The following ANKRD30B variants were observed in gnomAD, a reference collection of about 807,000 sequenced individuals.
The protein encoded by ANKRD30B is ankyrin repeat domain-containing protein 30B.
In ANKRD30B, 144 loss-of-function variants were observed where a neutral mutation model predicts 202.2. The ratio of observed to expected loss-of-function variants is 0.71; its 90% confidence interval spans 0.62 to 0.82. ANKRD30B has a LOEUF of 0.82. Among genes scored for constraint, ANKRD30B ranks in the 40% least tolerant of loss-of-function variants. ANKRD30B has a pLI of 0.00. For synonymous variants in ANKRD30B, 508 were observed against 561.3 expected (o/e 0.91, Z 1.34); for missense variants, 1,487 against 1,669.1 (o/e 0.89, Z 1.90).
intron 36 of ANKRD30B, among the ~76,000 whole-genome samples, chr18:14,839,777 CT>C (rs1971336375): frequency 6.6e-6 from 1 of 152,004 alleles, no homozygotes. Flanking sequence ...ATTTTAAGCC[CT>C]TGTTTTCCTA....
At position 14,851,788 on chromosome 18, in the gene ANKRD30B, A is replaced by G; in HGVS notation, c.3844A>G (p.Lys1282Glu). Residue 1282 changes from lysine (K) to glutamate (E), a missense_variant, in exon 42 of 44, where the codon AAG becomes GAG. Physicochemically the swap from Lys to Glu is moderately conservative, Grantham distance 56. Around this residue, in one of 6 missense-constraint regions of ANKRD30B, gnomAD observed 21 missense variants for 57.2 expected, o/e 0.37. Coordinates refer to ENST00000690538, the MANE Select transcript of ANKRD30B (RefSeq NM_001367607.2). ...GAACACGATGCTGACTTCTAAATTG[A>G]AGGAAAAACAAGACAAAGAAATACT... ...AENTMLTSKL[K>E]EKQDKEILET... The G allele has an allele frequency of 6.3e-7, 1 of 1,577,822 alleles. No individual in the cohort carries two copies. The highest frequency in any genetic ancestry group is 8.6e-7 in the Non-Finnish European group (1 of 1,159,286).
chr18:14,846,662 T>A (rs1025712040), intron 39 of ANKRD30B, among the ~76,000 whole-genome samples: 5 of 152,114 alleles, frequency 3.3e-5, no homozygotes, highest in African/African-American at 1.2e-4. Flanking sequence ...GTGAACCCTT[T>A]GTCACTATAA....
chr18:14,923,007 G>T, the ANKRD30B span, among the ~76,000 whole-genome samples: 1 of 152,120 alleles, frequency 6.6e-6, no homozygotes, highest in Non-Finnish European at 1.5e-5. Flanking sequence ...CACATCCTGG[G>T]CCAGGAAAAA....
chr18:14,748,374 A>C lies in ANKRD30B; in HGVS notation c.-46A>C. 7.1e-7 allele frequency: 1 copy of C among 1,405,262 alleles called. No individual in the cohort carries two copies. The highest frequency in any genetic ancestry group is 9.4e-7 in the Non-Finnish European group (1 of 1,068,162). The allele number at this position is 1,405,262 out of a possible 1,614,324, so 87.0% of individuals were successfully genotyped here. ...GAGGGCGAGGGGTAGGGGCTGGGGA[A>C]GGGCGAGCGGGAGGCGCGGGCTCTC... On this transcript the variant is annotated 5_prime_UTR_variant, in exon 1 of 44. Coordinates refer to ENST00000690538, the MANE Select transcript of ANKRD30B (RefSeq NM_001367607.2).
rs770765402 is a variant in ANKRD30B at position 14,796,406 on chromosome 18, T to C, written c.1918T>C (p.Phe640Leu). The change falls in exon 18 of 44, where the codon TTC becomes CTC. Residue 640 changes from phenylalanine (F) to leucine (L), a missense_variant. Transcript: ENST00000690538. ...CTTAGAATTAAAGGACAGAGAAACATTCAAAGCAGGTAAATTTTGTAATTT... is the reference window on the plus strand; with the variant it reads ...CTTAGAATTAAAGGACAGAGAAACACTCAAAGCAGGTAAATTTTGTAATTT... ...KALELKDRET[F>L]KAESPDKDGL... 1.7e-4 allele frequency: 268 copies of C among 1,550,920 alleles called. 5 individuals carry two copies. The South Asian group carries it at 2.1e-3, about 12-fold the overall frequency.
At chr18:14,870,124 C>T in the ANKRD30B span, among the ~76,000 whole-genome samples, 1 of 152,214 alleles carries the variant, frequency 6.6e-6, no homozygotes, top group East Asian at 1.9e-4. Flanking sequence ...GAGTGAGCCA[C>T]CACGCGAAGC....
In ANKRD30B at chr18:14,837,196, TTTTG is replaced by T. The variant is rs750791682; in HGVS notation, c.2848-9_2848-6del. On this transcript the variant is annotated splice_polypyrimidine_tract_variant and intron_variant, in intron 34 of 43. Coordinates refer to ENST00000690538, the MANE Select transcript of ANKRD30B (RefSeq NM_001367607.2). ...TTTTTTTTTGTGTTTGCTTTCTGTG[TTTTG>T]TTTGTAATAGGAGGGAGCAACAAAG... 2.6e-6 allele frequency: 4 copies of T among 1,518,628 alleles called. No homozygotes were observed. In the South Asian group the frequency reaches 5.2e-5, roughly 20 times the overall value. The allele number at this position is 1,518,628 out of a possible 1,614,324, so 94.1% of individuals were successfully genotyped here. A position where few individuals can be genotyped will look rare whatever the true frequency, so the allele number is the denominator to read the frequency against.
the ANKRD30B span, among the ~76,000 whole-genome samples, chr18:14,892,104 G>A: frequency 3.3e-5 from 5 of 152,228 alleles, no homozygotes; most frequent in East Asian, 1.9e-4. Flanking sequence ...ATATCATTAA[G>A]AAGTCAATAT....
chr18:14,862,409 T>A, the ANKRD30B span, among the ~76,000 whole-genome samples: 1 of 152,088 alleles, frequency 6.6e-6, no homozygotes, highest in Non-Finnish European at 1.5e-5. Context: ...AAGATTCCAA[T>A]AAGCACAATA....
chr18:14,908,576 C>T, the ANKRD30B span, among the ~76,000 whole-genome samples: 1 of 152,208 alleles, frequency 6.6e-6, no homozygotes, highest in Non-Finnish European at 1.5e-5. Flanking sequence ...CTCGCTCTGA[C>T]CTCACCATCA....
the ANKRD30B span, among the ~76,000 whole-genome samples, chr18:14,928,568 G>A: frequency 7.2e-5 from 11 of 152,104 alleles, no homozygotes; most frequent in African/African-American, 2.4e-4. Flanking sequence ...CACTATCAGC[G>A]ATCCTGTTCT....
At chr18:14,785,400 A>G (rs1278851413) in intron 14 of ANKRD30B, among the ~76,000 whole-genome samples, 2 of 152,206 alleles carry the variant, frequency 1.3e-5, no homozygotes. Flanking sequence ...GTTGTTTATA[A>G]AATTCCATTG....
At chr18:14,840,490 G>T in intron 36 of ANKRD30B, 98 bp from the exon 37 acceptor site, 1 of 481,112 alleles carries the variant, frequency 2.1e-6, no homozygotes, top group South Asian at 6.5e-5. Flanking sequence ...AATGAGCCAA[G>T]ATCATGCCAC....
At position 14,805,986 on chromosome 18, in the gene ANKRD30B, C is replaced by G. The variant is rs575643782; in HGVS notation, c.2284+2162C>G. Among the ~76,000 whole-genome samples, 760 of 150,420 alleles carry G rather than the reference C, an allele frequency of 5.1e-3. 41 individuals are homozygous for G. The highest frequency in any genetic ancestry group is 0.018 in the African/African-American group (723 of 40,626). Reference sequence around the variant, plus strand: ...CTGTAATCCCAGCACTTTGGGAGGCCGAGGCGGGCAGATCACGAGGTCAGG... The same window carrying G: ...CTGTAATCCCAGCACTTTGGGAGGCGGAGGCGGGCAGATCACGAGGTCAGG... On this transcript the variant is annotated intron_variant, in intron 24 of 43. Coordinates refer to ENST00000690538, the MANE Select transcript of ANKRD30B (RefSeq NM_001367607.2).
At chr18:14,796,315 T>C (rs1277008651) in intron 17 of ANKRD30B, 28 bp from the exon 18 acceptor site, 2 of 1,608,494 alleles carry the variant, frequency 1.2e-6, no homozygotes, top group East Asian at 2.2e-5. Flanking sequence ...TATTATGTAT[T>C]AATTTTTGTG....
At chr18:14,775,000 G>A (rs1339335362) in intron 9 of ANKRD30B, among the ~76,000 whole-genome samples, 22 of 152,058 alleles carry the variant, frequency 1.4e-4, no homozygotes, top group African/African-American at 4.6e-4. Context: ...GGTGGCGGGC[G>A]CCTGTAGTCC....
chr18:14,934,099 G>C, the ANKRD30B span, among the ~76,000 whole-genome samples: 1 of 152,194 alleles, frequency 6.6e-6, no homozygotes, highest in African/African-American at 2.4e-5. Context: ...GCAAGCAAGG[G>C]GTCCACCCAC....
At chr18:14,818,889 G>A (rs1370252029) in intron 30 of ANKRD30B, among the ~76,000 whole-genome samples, 2 of 151,806 alleles carry the variant, frequency 1.3e-5, no homozygotes, top group African/African-American at 2.4e-5. Flanking sequence ...TAATGGGATG[G>A]CTGGGTCAAA....
In ANKRD30B at chr18:14,850,280, C is replaced by T. The variant is rs71350559; in HGVS notation, c.3462C>T (p.Pro1154=). Residue 1154 remains proline (P), a synonymous_variant, in exon 41 of 44, where the codon CCC becomes CCT. Transcript: ENST00000690538. ...ATATATTAAAAGAAAAAATTAGACC[C>T]GAAGAGCAACTTAGGAAAAAGTTAG... ...NVDILKEKIR[P]EEQLRKKLEV... 21 of 1,589,070 alleles carry T rather than the reference C, an allele frequency of 1.3e-5. No individual in the cohort carries two copies. Among genetic ancestry groups the T allele is most frequent in the African/African-American group, 2.7e-5 (2 of 73,390 alleles).
Sources: allele counts gnomAD v4.1 joint callset (sites outside exome capture counted in the v4.1 genomes callset), GRCh38; gene constraint gnomAD v4.1.1; regional missense constraint gnomAD v4.1.1; transcripts MANE v1.5; gene names NCBI Gene and HGNC (gene_info 2026-07-23, HGNC 2026-07-21).